KCNH7: variants seen among roughly 807,000 people sequenced by gnomAD.
KCNH7 encodes voltage-gated inwardly rectifying potassium channel KCNH7.
KCNH7 carries 49 observed loss-of-function variants against 120.8 expected under a neutral mutation model. That is an observed-to-expected ratio of 0.41 (90% CI 0.32 to 0.51). The LOEUF (loss-of-function observed/expected upper bound fraction) is 0.51, where lower values mean the gene tolerates loss of function less well. Among genes scored for constraint, KCNH7 ranks in the 20% least tolerant of loss-of-function variants. The probability of loss-of-function intolerance (pLI) is 0.38; values close to 1 mark genes in which losing one functional copy is unlikely to be tolerated. For synonymous variants in KCNH7, 547 were observed against 516.1 expected, an observed-to-expected ratio of 1.06 and a Z score of -0.81; for missense variants, 1,097 against 1,446.6, an observed-to-expected ratio of 0.76 and a Z score of 3.92.
chr2:162,751,657 T>A (rs1037618738), intron 2 of KCNH7, among the ~76,000 whole-genome samples: 6 of 152,024 alleles, frequency 3.9e-5, no homozygotes, highest in Admixed American at 2.6e-4. Context: ...GTAGCCCACA[T>A]GGTTTATAAG....
chr2:162,513,383 T>G (rs1691166937), intron 4 of KCNH7, among the ~76,000 whole-genome samples: 1 of 132,174 alleles, frequency 7.6e-6, no homozygotes, highest in South Asian at 2.7e-4. Flanking sequence ...CCTTCCTTCC[T>G]TCTCTCCTTC....
chr2:162,705,387 T>C (rs1032330655), intron 2 of KCNH7, among the ~76,000 whole-genome samples: 13 of 152,236 alleles, frequency 8.5e-5, no homozygotes, highest in African/African-American at 3.1e-4. Context: ...TTATTATTGC[T>C]AGGGTCCTAC....
chr2:162,748,955 CTT>C (rs1688443235), intron 2 of KCNH7, among the ~76,000 whole-genome samples: 1 of 130,062 alleles, frequency 7.7e-6, no homozygotes, highest in African/African-American at 3.0e-5. Flanking sequence ...TCCTTCCTTC[CTT>C]CCTTCCTTCC....
At chr2:162,789,204 TAATC>T (rs1683829488) in intron 2 of KCNH7, among the ~76,000 whole-genome samples, 1 of 151,966 alleles carries the variant, frequency 6.6e-6, no homozygotes, top group Admixed American at 6.5e-5. Context: ...AATAAGAACA[TAATC>T]AAATTCAGAA....
intron 6 of KCNH7, among the ~76,000 whole-genome samples, chr2:162,503,090 T>G (rs528940065): frequency 9.2e-5 from 14 of 152,204 alleles, no homozygotes; most frequent in Admixed American, 3.9e-4. Context: ...CTGTCTGCTT[T>G]AGATGGGGCC....
chr2:162,607,767 T>A lies in KCNH7; in HGVS notation c.308-70687A>T, dbSNP rs139249349. On this transcript the variant is annotated intron_variant, in intron 2 of 15. Coordinates refer to ENST00000332142, the MANE Select transcript of KCNH7 (RefSeq NM_033272.4). The stretch of plus-strand genomic sequence containing the variant: ...CAAGCACATTATAAGTTATACAAAT[T>A]ATTTTCTGAATGTAAATTATAGCTA... Among the ~76,000 whole-genome samples, 537 of 152,200 alleles carry A rather than the reference T, an allele frequency of 3.5e-3. 4 individuals carry two copies. Among genetic ancestry groups the A allele is most frequent in the Middle Eastern group, 0.031 (9 of 294 alleles).
At chr2:162,702,029 T>C (rs557062060) in intron 2 of KCNH7, among the ~76,000 whole-genome samples, 45 of 151,746 alleles carry the variant, frequency 3.0e-4, no homozygotes, top group African/African-American at 1.1e-3. Flanking sequence ...GAAAAAAAAC[T>C]TTCTATGTTG....
chr2:162,644,438 T>A (rs12473968), intron 2 of KCNH7, among the ~76,000 whole-genome samples: 16,563 of 152,090 alleles, frequency 0.11, 1,689 homozygotes, highest in East Asian at 0.3. Flanking sequence ...GCTCCCTTAG[T>A]TTCTATCACA....
chr2:162,814,546 T>G (rs1000715744), intron 2 of KCNH7, among the ~76,000 whole-genome samples: 8 of 152,194 alleles, frequency 5.3e-5, no homozygotes, highest in Non-Finnish European at 1.0e-4. Flanking sequence ...TCTGTGTAAC[T>G]GTCAATATAT....
chr2:162,531,450 A>T lies in KCNH7; in HGVS notation c.463+5475T>A, dbSNP rs150921123. 3.1e-4 allele frequency among the ~76,000 whole-genome samples: 47 copies of T among 152,134 alleles called. 1 individual carries two copies. Among genetic ancestry groups the T allele is most frequent in the African/African-American group, 1.1e-3 (45 of 41,556 alleles). On this transcript the variant is annotated intron_variant, in intron 3 of 15. Transcript: ENST00000332142. ...TGAGAATTTGAGAAGACAGTGAAGA[A>T]ACTAAACTAGGTATCCACCATCCAA...
intron 8 of KCNH7, among the ~76,000 whole-genome samples, chr2:162,434,241 G>A (rs912966836): frequency 6.6e-6 from 1 of 152,014 alleles, no homozygotes; most frequent in African/African-American, 2.4e-5. Context: ...GTGAGATAAA[G>A]GGATGGGGGC....
chr2:162,619,102 C>T (rs1286793683), intron 2 of KCNH7, among the ~76,000 whole-genome samples: 1 of 152,086 alleles, frequency 6.6e-6, no homozygotes, highest in Non-Finnish European at 1.5e-5. Context: ...TTCATTTATT[C>T]ATTCATTGAA....
chr2:162,608,633 C>T (rs866266895), intron 2 of KCNH7, among the ~76,000 whole-genome samples: 3 of 152,152 alleles, frequency 2.0e-5, no homozygotes, highest in East Asian at 1.9e-4. Flanking sequence ...ACCTAACATC[C>T]GCTGAAGGTT....
At chr2:162,435,650 C>T in intron 7 of KCNH7, 53 bp from the exon 8 acceptor site, 1 of 1,509,420 alleles carries the variant, frequency 6.6e-7, no homozygotes, top group Non-Finnish European at 8.9e-7. Flanking sequence ...ATTCAAAGTA[C>T]ATTCATATGA....
chr2:162,780,880 A>G (rs1039877896), intron 2 of KCNH7, among the ~76,000 whole-genome samples: 1 of 152,174 alleles, frequency 6.6e-6, no homozygotes. Flanking sequence ...AGGTTGGAAC[A>G]GCTGTCACAT....
At chr2:162,817,977 T>C (rs1684975104) in intron 2 of KCNH7, among the ~76,000 whole-genome samples, 2 of 152,110 alleles carry the variant, frequency 1.3e-5, no homozygotes, top group African/African-American at 4.8e-5. Context: ...AAACAATTTC[T>C]TTGTCAAATA....
chr2:162,581,818 T>C (rs1693874751), intron 2 of KCNH7, among the ~76,000 whole-genome samples: 1 of 152,040 alleles, frequency 6.6e-6, no homozygotes, highest in Admixed American at 6.6e-5. Flanking sequence ...TGATTTACAG[T>C]TAAGAAAACT....
intron 2 of KCNH7, among the ~76,000 whole-genome samples, chr2:162,638,541 A>G (rs1684040353): frequency 6.6e-6 from 1 of 152,088 alleles, no homozygotes; most frequent in Non-Finnish European, 1.5e-5. Context: ...GGTTGATGAA[A>G]TAGTAATAAA....
chr2:162,383,164 T>A (rs1686473769), intron 13 of KCNH7, among the ~76,000 whole-genome samples: 1 of 151,932 alleles, frequency 6.6e-6, no homozygotes, highest in African/African-American at 2.4e-5. Flanking sequence ...CACTTGAGAC[T>A]CTAAAACTCA....
Sources: allele counts gnomAD v4.1 joint callset (sites outside exome capture counted in the v4.1 genomes callset), GRCh38; gene constraint gnomAD v4.1.1; transcripts MANE v1.5; gene names NCBI Gene and HGNC (gene_info 2026-07-23, HGNC 2026-07-21).